CTNNA3: variants seen among roughly 807,000 people sequenced by gnomAD.
The protein encoded by CTNNA3 is catenin alpha 3, also known as catenin alpha-3.
A neutral mutation model predicts 95.7 loss-of-function variants in CTNNA3; 76 were observed. The ratio of observed to expected loss-of-function variants is 0.79; its 90% CI spans 0.66 to 0.96. CTNNA3 has a LOEUF of 0.96. CTNNA3 is among the 40% of genes least tolerant of loss of function. CTNNA3 has a pLI of 0.00. For synonymous variants in CTNNA3, 431 were observed against 374.4 expected, an observed-to-expected ratio of 1.15 and a Z score of -1.74; for missense variants, 1,191 against 1,089.8, an observed-to-expected ratio of 1.09 and a Z score of -1.31.
chr10:66,429,466 C>G (rs1490275415), intron 11 of CTNNA3, among the ~76,000 whole-genome samples: 1 of 152,054 alleles, frequency 6.6e-6, no homozygotes, highest in African/African-American at 2.4e-5. Flanking sequence ...GAATTTTAGA[C>G]CAATATCCCT....
At chr10:66,250,695 T>C (rs1192878059) in intron 13 of CTNNA3, among the ~76,000 whole-genome samples, 1 of 150,756 alleles carries the variant, frequency 6.6e-6, no homozygotes, top group Non-Finnish European at 1.5e-5. Context: ...AATTCAATAT[T>C]CTATAGCTAC....
At chr10:66,450,346 T>C (rs1424384748) in intron 11 of CTNNA3, among the ~76,000 whole-genome samples, 3 of 152,104 alleles carry the variant, frequency 2.0e-5, no homozygotes, top group African/African-American at 7.2e-5. Flanking sequence ...AAATAACCTG[T>C]AAACTGAAAG....
At chr10:66,313,751 A>G (rs1455359713) in intron 12 of CTNNA3, among the ~76,000 whole-genome samples, 3 of 152,186 alleles carry the variant, frequency 2.0e-5, no homozygotes, top group African/African-American at 7.2e-5. Flanking sequence ...GACACTCAAC[A>G]CACAAGTGAA....
intron 7 of CTNNA3, among the ~76,000 whole-genome samples, chr10:66,876,594 T>C (rs1017537846): frequency 6.6e-6 from 1 of 152,152 alleles, no homozygotes; most frequent in African/African-American, 2.4e-5. Flanking sequence ...GAATATGTTA[T>C]AGTCTTCAAC....
At chr10:66,291,740 A>G (rs570413693) in intron 12 of CTNNA3, among the ~76,000 whole-genome samples, 2 of 151,692 alleles carry the variant, frequency 1.3e-5, no homozygotes, top group African/African-American at 4.8e-5. Flanking sequence ...ATATATGTGT[A>G]TTTATATATT....
intron 7 of CTNNA3, among the ~76,000 whole-genome samples, chr10:66,800,892 A>G (rs1841403338): frequency 6.6e-6 from 1 of 151,402 alleles, no homozygotes; most frequent in Non-Finnish European, 1.5e-5. Flanking sequence ...CAAAAATGGC[A>G]CCAACACAAC....
At position 66,383,475 on chromosome 10, in the gene CTNNA3, GC is replaced by G. The variant is rs1289154119; in HGVS notation, c.1532-4124del. 9.2e-5 allele frequency among the ~76,000 whole-genome samples: 14 copies of G among 152,316 alleles called. No homozygotes were observed. The East Asian group carries it at 2.5e-3, about 27-fold the overall frequency. ...AAGACCAAATCTATGTTTGATTGGTGCACCTGAAAGTGATGGGAAGAATGGA... is the reference window on the plus strand; with the variant it reads ...AAGACCAAATCTATGTTTGATTGGTGACCTGAAAGTGATGGGAAGAATGGA... On this transcript the variant is annotated intron_variant, in intron 11 of 17. Transcript: ENST00000433211.
chr10:67,679,768 C>T (rs778580672), intron 1 of CTNNA3, among the ~76,000 whole-genome samples: 10 of 152,078 alleles, frequency 6.6e-5, no homozygotes, highest in Non-Finnish European at 1.5e-5. Context: ...TGTGAGCTAT[C>T]TCATACACTG....
At chr10:67,520,658 T>C (rs925220640) in intron 5 of CTNNA3, among the ~76,000 whole-genome samples, 5 of 152,284 alleles carry the variant, frequency 3.3e-5, no homozygotes, top group Middle Eastern at 3.4e-3. Context: ...AATTAATGTG[T>C]CTGCAAAAAG....
chr10:66,784,700 A>G (rs1341120391), intron 7 of CTNNA3, among the ~76,000 whole-genome samples: 1 of 152,194 alleles, frequency 6.6e-6, no homozygotes, highest in Non-Finnish European at 1.5e-5. Flanking sequence ...CAAAAGAAAT[A>G]ATCAAAAACC....
chr10:66,666,527 T>C (rs537687743), intron 9 of CTNNA3, among the ~76,000 whole-genome samples: 1 of 152,172 alleles, frequency 6.6e-6, no homozygotes, highest in East Asian at 1.9e-4. Context: ...AACATAGGTA[T>C]AATAAGGACA....
At position 67,521,889 on chromosome 10, in the gene CTNNA3, C is replaced by G. The variant is rs772545551; in HGVS notation, c.532G>C (p.Gly178Arg). Residue 178 changes from glycine to arginine, a missense_variant, in exon 5 of 18, where the codon GGG becomes CGG. By Grantham distance (125) the Gly-to-Arg change is moderately radical (BLOSUM62 -2). Coordinates refer to ENST00000433211, the MANE Select transcript of CTNNA3 (RefSeq NM_013266.4). The stretch of plus-strand genomic sequence containing the variant: ...TAATCCAAATTTTCCAGCTCCTTCC[C>G]AAGCTTCTGGTAGGTTTTCTGGAGG... ...SDLQKTYQKL[G>R]KELENLDYLA... 1.2e-6 allele frequency: 2 copies of G among 1,612,738 alleles called. No individual in the cohort carries two copies. Among genetic ancestry groups the G allele is most frequent in the East Asian group, 4.5e-5 (2 of 44,872 alleles).
At chr10:66,727,309 T>C (rs972004612) in intron 9 of CTNNA3, among the ~76,000 whole-genome samples, 1 of 152,056 alleles carries the variant, frequency 6.6e-6, no homozygotes, top group Admixed American at 6.6e-5. Flanking sequence ...TAGCAACAGT[T>C]ATATCTACAA....
At chr10:67,285,820 A>T (rs1839576969) in intron 5 of CTNNA3, among the ~76,000 whole-genome samples, 1 of 152,190 alleles carries the variant, frequency 6.6e-6, no homozygotes, top group Admixed American at 6.6e-5. Flanking sequence ...TATACTTCAG[A>T]TTTCATCACA....
chr10:66,488,771 G>T (rs1839822503), intron 11 of CTNNA3, among the ~76,000 whole-genome samples: 1 of 152,072 alleles, frequency 6.6e-6, no homozygotes, highest in Non-Finnish European at 1.5e-5. Context: ...AACATCATAG[G>T]AGCTAGAGAT....
At chr10:66,323,591 G>A (rs1315758639) in intron 12 of CTNNA3, among the ~76,000 whole-genome samples, 1 of 150,686 alleles carries the variant, frequency 6.6e-6, no homozygotes, top group African/African-American at 2.4e-5. Context: ...GGCGGAGGTT[G>A]CAGTGAGCCA....
chr10:66,998,387 C>T (rs764196626), intron 7 of CTNNA3, among the ~76,000 whole-genome samples: 6 of 152,014 alleles, frequency 3.9e-5, no homozygotes, highest in Non-Finnish European at 8.8e-5. Context: ...AAGCATAGCA[C>T]AAAATAAAAT....
At chr10:67,676,900 AAC>A (rs1840545320) in intron 1 of CTNNA3, among the ~76,000 whole-genome samples, 1 of 152,184 alleles carries the variant, frequency 6.6e-6, no homozygotes, top group Non-Finnish European at 1.5e-5. Flanking sequence ...CTTCTAGGGT[AAC>A]ATAGGCCACA....
intron 11 of CTNNA3, among the ~76,000 whole-genome samples, chr10:66,409,606 T>G (rs1424739265): frequency 2.6e-5 from 4 of 152,236 alleles, no homozygotes; most frequent in African/African-American, 9.6e-5. Context: ...CTTTGGGAAA[T>G]CCAGAACTCA....
Sources: gnomAD v4.1 joint callset for allele counts (sites outside exome capture counted in the v4.1 genomes callset) on GRCh38, gnomAD v4.1.1 for gene constraint, MANE v1.5 for transcripts, NCBI Gene and HGNC (gene_info 2026-07-23, HGNC 2026-07-21) for gene names.